FAM118B: variants seen among roughly 807,000 people sequenced by gnomAD.
FAM118B encodes the protein protein FAM118B.
In FAM118B, 24 loss-of-function variants were observed where a neutral mutation model predicts 38.5. That is an observed-to-expected ratio of 0.62 (90% CI 0.45 to 0.88). The LOEUF is 0.88. Ranked by LOEUF, FAM118B falls within the 40% of genes least tolerant of loss-of-function variation. FAM118B has a pLI of 0.00. For synonymous variants in FAM118B, 138 were observed against 156.3 expected, an observed-to-expected ratio of 0.88 and a Z score of 0.87; for missense variants, 334 against 420.0, an observed-to-expected ratio of 0.80 and a Z score of 1.79.
intron 1 of FAM118B, among the ~76,000 whole-genome samples, chr11:126,216,750 C>T (rs772882928): frequency 1.3e-5 from 2 of 152,188 alleles, no homozygotes; most frequent in Non-Finnish European, 2.9e-5. Flanking sequence ...CATTTCCTAC[C>T]ACCATACTCA....
rs1167017613 is a variant in FAM118B, at chr11:126,248,358, CTTTTTTTTTTTTT to C, written c.340-2131_340-2119del. On this transcript the variant is annotated intron_variant, in intron 4 of 8. Transcript: ENST00000533050. ...GTATCTGACCTTCAATAGTAGTTGACTTTTTTTTTTTTTTTTTTTTTTTTTTTTTGAGATGGAG... is the reference window on the plus strand; with the variant it reads ...GTATCTGACCTTCAATAGTAGTTGACTTTTTTTTTTTTTTTTGAGATGGAG... Among the ~76,000 whole-genome samples, 108 of 36,968 alleles carry C rather than the reference CTTTTTTTTTTTTT, an allele frequency of 2.9e-3. 4 individuals carry two copies. The highest frequency in any genetic ancestry group is 0.01 in the South Asian group (6 of 574). 24.3% of individuals were successfully genotyped at this position (36,968 alleles called of 152,430 possible). A position where few individuals can be genotyped will look rare whatever the true frequency, so the allele number is the denominator to read the frequency against.
rs771914203 is a variant in FAM118B at position 126,250,293 on chromosome 11, G to A, written c.340-213G>A. 2.6e-5 allele frequency among the ~76,000 whole-genome samples: 4 copies of A among 152,042 alleles called. No homozygotes were observed. Among genetic ancestry groups the A allele is most frequent in the South Asian group, 4.1e-4 (2 of 4,820 alleles). On this transcript the variant is annotated intron_variant, in intron 4 of 8. Coordinates refer to ENST00000533050, the MANE Select transcript of FAM118B (RefSeq NM_024556.4). This position sits in a 1 kb window ranked among gnomAD's most constrained non-coding sequence, Gnocchi z 5.1. ...TTTTTAGTAGAGACGGGGTTTCACC[G>A]TGTTAGCCAGGATGGTCTCGATCTC...
intron 7 of FAM118B, chr11:126,261,150 T>TA: frequency 3.9e-6 from 1 of 255,176 alleles, no homozygotes; most frequent in Non-Finnish European, 7.1e-6. Context: ...ATGTTGCCTG[T>TA]ATGTGAAATG....
At chr11:126,232,959 T>G (rs1470879223) in intron 2 of FAM118B, among the ~76,000 whole-genome samples, 1 of 152,130 alleles carries the variant, frequency 6.6e-6, no homozygotes, top group Non-Finnish European at 1.5e-5. Context: ...CTGTAATAAG[T>G]TATTACACTT....
chr11:126,217,139 G>C (rs936852748), intron 1 of FAM118B, among the ~76,000 whole-genome samples: 1 of 152,218 alleles, frequency 6.6e-6, no homozygotes, highest in Non-Finnish European at 1.5e-5. Flanking sequence ...CCACACAAAC[G>C]GGTAGCCTCA....
chr11:126,254,552 G>A (rs1458419735), intron 6 of FAM118B, 119 bp downstream of exon 6: 2 of 1,357,046 alleles, frequency 1.5e-6, no homozygotes, highest in Non-Finnish European at 2.0e-6. Flanking sequence ...AAGGTCAGGG[G>A]CTAGGAGCAG....
intron 3 of FAM118B, among the ~76,000 whole-genome samples, chr11:126,240,366 A>G (rs1178147565): frequency 6.6e-6 from 1 of 151,854 alleles, no homozygotes; most frequent in Non-Finnish European, 1.5e-5. Context: ...TCTCAATAAT[A>G]GGAACTTAAT....
chr11:126,229,679 G>A (rs528688628), intron 2 of FAM118B, among the ~76,000 whole-genome samples: 1 of 152,242 alleles, frequency 6.6e-6, no homozygotes, highest in Admixed American at 6.5e-5. Context: ...CTGACCTCAC[G>A]ATCCACCCAC....
intron 3 of FAM118B, 91 bp downstream of exon 3, chr11:126,235,178 T>C: frequency 9.5e-7 from 1 of 1,049,168 alleles, no homozygotes; most frequent in Non-Finnish European, 1.4e-6. Flanking sequence ...TCAGTTGTTT[T>C]CACTAATTAG....
intron 4 of FAM118B, 152 bp downstream of exon 4, chr11:126,241,196 G>A (rs657361): frequency 0.2 from 157,408 of 779,060 alleles, 18,165 homozygotes; most frequent in Non-Finnish European, 0.24. Context: ...ACTCTTCTGC[G>A]CAATGTCTGT....
chr11:126,230,400 G>A (rs907083202), intron 2 of FAM118B, among the ~76,000 whole-genome samples: 3 of 152,174 alleles, frequency 2.0e-5, no homozygotes, highest in African/African-American at 4.8e-5. Flanking sequence ...AGTTAGAAAG[G>A]TTTGGTTTCT....
At chr11:126,242,788 C>T (rs922794592) in intron 4 of FAM118B, among the ~76,000 whole-genome samples, 13 of 152,182 alleles carry the variant, frequency 8.5e-5, no homozygotes. Context: ...TAAAGTGATG[C>T]AGTTGCTTTG....
chr11:126,231,519 A>G (rs1950206503), intron 2 of FAM118B, among the ~76,000 whole-genome samples: 1 of 152,212 alleles, frequency 6.6e-6, no homozygotes, highest in Non-Finnish European at 1.5e-5. Flanking sequence ...CCTTTAGGGT[A>G]AAGAAAATAT....
chr11:126,235,222 T>A, intron 3 of FAM118B, 135 bp downstream of exon 3: 1 of 732,008 alleles, frequency 1.4e-6, no homozygotes, highest in Non-Finnish European at 2.2e-6. Flanking sequence ...AAATTGTTTT[T>A]ATTTTGGGTT....
rs777275048 is a variant in FAM118B at position 126,211,825 on chromosome 11, G to C, written c.-82G>C. On this transcript the variant is annotated 5_prime_UTR_variant, in exon 1 of 9. Coordinates refer to ENST00000533050, the MANE Select transcript of FAM118B (RefSeq NM_024556.4). ...AGCTGGAGCAGTGGCGTTTGGAGGA[G>C]ACTCGGTGAGTGTGTAGGGAAGCCG... 1.9e-5 allele frequency: 12 copies of C among 627,348 alleles called. No individual in the cohort carries two copies. The highest frequency in any genetic ancestry group is 1.2e-4 in the Admixed American group (4 of 33,058). 38.9% of individuals were successfully genotyped at this position (627,348 alleles called of 1,614,324 possible).
In FAM118B at chr11:126,256,967, C is replaced by T. The variant is rs554289451; in HGVS notation, c.982+115C>T. The T allele has an allele frequency of 1.7e-5, 19 of 1,101,126 alleles. No individual in the cohort carries two copies. Among genetic ancestry groups the T allele is most frequent in the Non-Finnish European group, 2.3e-5 (18 of 766,944 alleles). 68.2% of individuals were successfully genotyped at this position (1,101,126 alleles called of 1,614,324 possible). A position where few individuals can be genotyped will look rare whatever the true frequency, so the allele number is the denominator to read the frequency against. On this transcript the variant is annotated intron_variant, in intron 7 of 8. Transcript: ENST00000533050. The surrounding 1 kb of genome is among the most constrained non-coding windows in gnomAD (Gnocchi z 6.6). Reference sequence around the variant, plus strand: ...CAAGATGAGGAATGTAATGACTGACCAAATTGTAAAGGAGGCCACAGTCTT... The same window carrying T: ...CAAGATGAGGAATGTAATGACTGACTAAATTGTAAAGGAGGCCACAGTCTT...
At chr11:126,261,302 C>T in intron 7 of FAM118B, 123 bp from the exon 8 acceptor site, 2 of 716,260 alleles carry the variant, frequency 2.8e-6, no homozygotes, top group Non-Finnish European at 4.7e-6. Context: ...ATGATTGTTT[C>T]ATTTCTAAAT....
At chr11:126,254,539 C>T (rs1241478493) in intron 6 of FAM118B, 106 bp downstream of exon 6, 37 of 1,460,956 alleles carry the variant, frequency 2.5e-5, no homozygotes, top group African/African-American at 7.0e-5. Flanking sequence ...TAAGTGAAAA[C>T]GGAAGGTCAG....
At chr11:126,213,424 C>A (rs923600980) in intron 1 of FAM118B, among the ~76,000 whole-genome samples, 10 of 152,126 alleles carry the variant, frequency 6.6e-5, no homozygotes, top group Admixed American at 2.0e-4. Flanking sequence ...CCACCCACCC[C>A]CTGCAAATTT....
Sources: allele counts gnomAD v4.1 joint callset (sites outside exome capture counted in the v4.1 genomes callset), GRCh38; gene constraint gnomAD v4.1.1; non-coding constraint Gnocchi (gnomAD v3.1); transcripts MANE v1.5; gene names NCBI Gene and HGNC (gene_info 2026-07-23, HGNC 2026-07-21).